RXFP1: variants seen among roughly 807,000 people sequenced by gnomAD.
The protein encoded by RXFP1 is relaxin family peptide receptor 1, also known as relaxin receptor 1.
Under a neutral mutation model 89.8 loss-of-function variants are expected in RXFP1, and 73 were observed. That is an observed-to-expected ratio of 0.81 (90% confidence interval 0.67 to 0.99). The LOEUF (loss-of-function observed/expected upper bound fraction) is 0.99, where lower values mean the gene tolerates loss of function less well. Ranked by LOEUF, RXFP1 falls within the 50% of genes least tolerant of loss-of-function variation. The pLI is 0.00. For synonymous variants in RXFP1, 277 were observed against 305.5 expected (o/e 0.91, Z 0.97); for missense variants, 793 against 895.5 (o/e 0.89, Z 1.46).
At chr4:158,620,225 C>T (rs930298149) in intron 9 of RXFP1, among the ~76,000 whole-genome samples, 3 of 152,052 alleles carry the variant, frequency 2.0e-5, no homozygotes, top group African/African-American at 7.2e-5. Flanking sequence ...AGGAAAGAAT[C>T]AACAACCTTG....
At chr4:158,536,661 A>T (rs559117992) in intron 1 of RXFP1, among the ~76,000 whole-genome samples, 1 of 152,300 alleles carries the variant, frequency 6.6e-6, no homozygotes, top group African/African-American at 2.4e-5. Flanking sequence ...TGAGCAAATC[A>T]TTGCTAATGC....
At chr4:158,540,159 T>C (rs1206648990) in intron 1 of RXFP1, among the ~76,000 whole-genome samples, 1 of 150,952 alleles carries the variant, frequency 6.6e-6, no homozygotes, top group Admixed American at 6.6e-5. Context: ...GTCCATAAAG[T>C]GAAAGCAAGT....
intron 13 of RXFP1, 116 bp from the exon 14 acceptor site, chr4:158,639,144 T>C (rs1769847243): frequency 1.7e-6 from 1 of 598,770 alleles, no homozygotes; most frequent in Non-Finnish European, 3.0e-6. Flanking sequence ...AATTATTTTG[T>C]TCAGAGTAAG....
intron 1 of RXFP1, among the ~76,000 whole-genome samples, chr4:158,539,475 TATA>T (rs1442449761): frequency 6.6e-6 from 1 of 150,968 alleles, no homozygotes; most frequent in Non-Finnish European, 1.5e-5. Flanking sequence ...AAACTTAAAG[TATA>T]ATAATAATAA....
At chr4:158,569,185 A>G (rs956898572) in intron 1 of RXFP1, among the ~76,000 whole-genome samples, 1 of 152,258 alleles carries the variant, frequency 6.6e-6, no homozygotes, top group African/African-American at 2.4e-5. Flanking sequence ...GGATAAATAT[A>G]TATTAGTAAG....
intron 5 of RXFP1, 50 bp downstream of exon 5, chr4:158,605,189 C>T: frequency 8.5e-7 from 1 of 1,170,448 alleles, no homozygotes; most frequent in Non-Finnish European, 1.3e-6. Context: ...CATTTTTGGC[C>T]ATGTCTTTTT....
chr4:158,603,759 G>A (rs1020741309), intron 4 of RXFP1, among the ~76,000 whole-genome samples: 5 of 151,634 alleles, frequency 3.3e-5, no homozygotes, highest in South Asian at 2.1e-4. Flanking sequence ...GCGTGGTGGC[G>A]CACGCCTGTA....
chr4:158,573,367 T>A (rs574106395), intron 2 of RXFP1, among the ~76,000 whole-genome samples: 1 of 152,282 alleles, frequency 6.6e-6, no homozygotes, highest in East Asian at 1.9e-4. Context: ...CGAGTGGTGG[T>A]TGCTCACAGA....
At chr4:158,600,467 G>C (rs1456632078) in intron 4 of RXFP1, among the ~76,000 whole-genome samples, 1 of 152,110 alleles carries the variant, frequency 6.6e-6, no homozygotes, top group Non-Finnish European at 1.5e-5. Context: ...GAAAAGAAGA[G>C]CTCTTCAGCA....
chr4:158,646,585 TAG>T (rs1323330973), intron 15 of RXFP1: 14 of 1,394,744 alleles, frequency 1.0e-5, no homozygotes, highest in African/African-American at 2.9e-5. Context: ...TAATTAACTG[TAG>T]AGAGTAACTT....
intron 3 of RXFP1, among the ~76,000 whole-genome samples, chr4:158,594,706 C>T (rs1325116562): frequency 1.3e-5 from 2 of 151,876 alleles, no homozygotes; most frequent in East Asian, 3.8e-4. Context: ...TTTTTTTAAG[C>T]CCAGTTGAAT....
Position 158,612,340 on chromosome 4 carries a change from G to A in RXFP1, c.658G>A (p.Gly220Arg). 1 of 1,609,964 alleles carries A rather than the reference G, an allele frequency of 6.2e-7. No homozygotes were observed. Among genetic ancestry groups the A allele is most frequent in the Non-Finnish European group, 8.5e-7 (1 of 1,177,230 alleles). The change falls in exon 8 of 18, where the codon GGA becomes AGA. Residue 220 changes from glycine (G) to arginine (R), a missense_variant. Gly to Arg is a moderately radical substitution (Grantham distance 125). Transcript: ENST00000307765. The part of the protein sequence containing the change: ...LSRISPPTFY[G>R]LNSLILLVLM... ...TCGAATTTCCCCACCAACATTTTAT[G>A]GACTAAATTCTCTTATTCTCTTGTA... is the stretch of plus-strand genomic sequence containing the variant.
chr4:158,560,977 G>A (rs1033886433), intron 1 of RXFP1, among the ~76,000 whole-genome samples: 5 of 152,294 alleles, frequency 3.3e-5, no homozygotes, highest in South Asian at 4.1e-4. Context: ...ATCAACAAAC[G>A]AACAGTGTTT....
rs1771227588 is a variant in RXFP1, at chr4:158,644,971, C to T, written c.1178C>T (p.Thr393Ile). Reference protein sequence around the residue: ...APHVRSCKPNTDGISSLENLL... With the variant: ...APHVRSCKPNIDGISSLENLL... Reference sequence around the variant, plus strand: ...CATGTTCGCAGCTGTAAACCAAACACTGATGGAATTTCATCTCTAGAGAAT... The same window carrying T: ...CATGTTCGCAGCTGTAAACCAAACATTGATGGAATTTCATCTCTAGAGAAT... The change falls in exon 15 of 18, where the codon ACT (threonine) becomes ATT (isoleucine). Residue 393 changes from threonine (T) to isoleucine (I), a missense_variant. Transcript: ENST00000307765. 1 of 1,614,180 alleles carries T rather than the reference C, an allele frequency of 6.2e-7. No individual in the cohort carries two copies. The highest frequency in any genetic ancestry group is 1.7e-5 in the Admixed American group (1 of 60,030).
chr4:158,631,668 A>C (rs766881538), intron 11 of RXFP1, among the ~76,000 whole-genome samples: 4 of 152,222 alleles, frequency 2.6e-5, no homozygotes, highest in Non-Finnish European at 4.4e-5. Flanking sequence ...TGAGATCACA[A>C]GGAGGGAAAG....
At chr4:158,567,610 T>C (rs1273117606) in intron 1 of RXFP1, among the ~76,000 whole-genome samples, 13 of 152,072 alleles carry the variant, frequency 8.5e-5, no homozygotes. Context: ...AGCTCAAGGT[T>C]TGTGAATGCA....
At chr4:158,600,349 T>C (rs1206807985) in intron 4 of RXFP1, among the ~76,000 whole-genome samples, 1 of 152,210 alleles carries the variant, frequency 6.6e-6, no homozygotes, top group Admixed American at 6.5e-5. Flanking sequence ...GTGGTTCCAT[T>C]GAATTCACAG....
chr4:158,596,759 A>C (rs1760694872), intron 3 of RXFP1, among the ~76,000 whole-genome samples: 1 of 152,242 alleles, frequency 6.6e-6, no homozygotes, highest in Non-Finnish European at 1.5e-5. Context: ...CAGTGACTTC[A>C]TCCGAAGCCT....
intron 1 of RXFP1, among the ~76,000 whole-genome samples, chr4:158,542,776 T>C (rs1747137114): frequency 6.6e-6 from 1 of 151,568 alleles, no homozygotes; most frequent in African/African-American, 2.4e-5. Flanking sequence ...CTTTCCATAG[T>C]AGAGAGTCTG....
Sources: allele counts gnomAD v4.1 joint callset (sites outside exome capture counted in the v4.1 genomes callset), GRCh38; gene constraint gnomAD v4.1.1; transcripts MANE v1.5; gene names NCBI Gene and HGNC (gene_info 2026-07-23, HGNC 2026-07-21).